Variants in MEDAG observed in about 807,000 individuals in gnomAD.
MEDAG encodes mesenteric estrogen dependent adipogenesis, also known as mesenteric estrogen-dependent adipogenesis protein.
In MEDAG, 25 loss-of-function variants were observed where a neutral mutation model predicts 29.9. That is an observed-to-expected ratio of 0.84 (90% CI 0.61 to 1.17). MEDAG has a LOEUF of 1.17. MEDAG is among the 50% of genes most tolerant of loss of function. The probability of loss-of-function intolerance (pLI) is 0.00; values close to 1 mark genes in which losing one functional copy is unlikely to be tolerated. For synonymous variants in MEDAG, 158 were observed against 148.2 expected (o/e 1.07, Z -0.48); for missense variants, 398 against 372.9 (o/e 1.07, Z -0.56).
chr13:30,909,640 A>C (rs78907474), intron 1 of MEDAG, among the ~76,000 whole-genome samples: 1 of 152,210 alleles, frequency 6.6e-6, no homozygotes, highest in Non-Finnish European at 1.5e-5. Flanking sequence ...GACCCAGGTT[A>C]AGAATCCTTG....
At chr13:30,910,768 G>A (rs926112515) in intron 1 of MEDAG, among the ~76,000 whole-genome samples, 3 of 152,202 alleles carry the variant, frequency 2.0e-5, no homozygotes, top group Non-Finnish European at 4.4e-5. Flanking sequence ...GAGGTGAAGC[G>A]GCACTCATAG....
intron 1 of MEDAG, chr13:30,916,800 A>G (rs536922096): frequency 1.3e-5 from 2 of 152,424 alleles, no homozygotes; most frequent in African/African-American, 4.8e-5. Flanking sequence ...ATGAAAACCA[A>G]AAAGGCTAAA....
intron 4 of MEDAG, among the ~76,000 whole-genome samples, chr13:30,923,977 C>A (rs1326846759): frequency 6.6e-6 from 1 of 151,982 alleles, no homozygotes; most frequent in East Asian, 1.9e-4. Flanking sequence ...GAGCACGGGG[C>A]CACTAGGGTG....
At chr13:30,909,390 G>A (rs1223916341) in intron 1 of MEDAG, among the ~76,000 whole-genome samples, 1 of 152,092 alleles carries the variant, frequency 6.6e-6, no homozygotes, top group Non-Finnish European at 1.5e-5. Context: ...ATGGGTTGGA[G>A]CCTAGAGTGG....
rs376704433 is a variant in MEDAG at position 30,920,636 on chromosome 13, A to G, written c.389-378A>G. On this transcript the variant is annotated intron_variant, in intron 2 of 4. Coordinates refer to ENST00000380482, the MANE Select transcript of MEDAG (RefSeq NM_032849.4). The stretch of plus-strand genomic sequence containing the variant: ...AAAAATCCAGCACTGCAGGAACATG[A>G]AAACCAGCTATCTCGATCTTCCACT... Among the ~76,000 whole-genome samples, 72 of 152,240 alleles carry G rather than the reference A, an allele frequency of 4.7e-4. 2 individuals carry two copies. In the South Asian group the frequency reaches 0.014, roughly 30 times the overall value.
In MEDAG at chr13:30,906,595, C is replaced by G; in HGVS notation, c.80C>G (p.Thr27Ser). The G allele has an allele frequency of 6.3e-7, 1 of 1,587,352 alleles. No homozygotes were observed. Among genetic ancestry groups the G allele is most frequent in the Non-Finnish European group, 8.5e-7 (1 of 1,175,542 alleles). The change falls in exon 1 of 5, where the codon ACC (threonine) becomes AGC (serine). Residue 27 changes from threonine (T) to serine (S), a missense_variant. Thr to Ser is a moderately conservative substitution (Grantham distance 58). Coordinates refer to ENST00000380482, the MANE Select transcript of MEDAG (RefSeq NM_032849.4). ...ISSGELRSLW[T>S]CDCELALLPL... ...TCTGGGGAGCTTCGCAGCCTGTGGACCTGCGACTGCGAGCTGGCCCTGCTG... is the reference window on the plus strand; with the variant it reads ...TCTGGGGAGCTTCGCAGCCTGTGGAGCTGCGACTGCGAGCTGGCCCTGCTG...
chr13:30,919,684 T>G (rs1024888307), intron 2 of MEDAG, among the ~76,000 whole-genome samples: 2 of 152,168 alleles, frequency 1.3e-5, no homozygotes, highest in African/African-American at 4.8e-5. Context: ...CGTAAACACT[T>G]GCTGTTGGTG....
chr13:30,921,051 CAAGAT>C lies in MEDAG; in HGVS notation c.431_435del (p.Ile144LysfsTer24). 6.2e-7 allele frequency: 1 copy of C among 1,614,098 alleles called. No homozygotes were observed. The highest frequency in any genetic ancestry group is 8.5e-7 in the Non-Finnish European group (1 of 1,180,014). ...CGTTTCTTGTAAACACGAGGCACCC[CAAGAT>C]AAGAAGACAGATAGAGCAAGGGATG... On this transcript the variant is annotated frameshift_variant, in exon 3 of 5. Transcript: ENST00000380482. LOFTEE classifies it high-confidence loss of function.
At chr13:30,917,016 A>T (rs1952935726) in intron 1 of MEDAG, among the ~76,000 whole-genome samples, 1 of 152,204 alleles carries the variant, frequency 6.6e-6, no homozygotes, top group Non-Finnish European at 1.5e-5. Flanking sequence ...GTTAAACAGG[A>T]TGACTCCACT....
chr13:30,918,990 A>AGTAAGG (rs768429382), intron 2 of MEDAG, among the ~76,000 whole-genome samples: 9 of 152,208 alleles, frequency 5.9e-5, no homozygotes, highest in Non-Finnish European at 1.2e-4. Flanking sequence ...CTAAAAAAAG[A>AGTAAGG]GTAAGAGCCC....
At chr13:30,915,020 C>T (rs1267110897) in intron 1 of MEDAG, among the ~76,000 whole-genome samples, 1 of 152,168 alleles carries the variant, frequency 6.6e-6, no homozygotes, top group African/African-American at 2.4e-5. Context: ...GGAAACCTGC[C>T]TCGAATGGGT....
At position 30,906,672 on chromosome 13, in the gene MEDAG, G is replaced by C. The variant is rs200311232; in HGVS notation, c.157G>C (p.Asp53His). Residue 53 changes from aspartate (D) to histidine (H), a missense_variant, in exon 1 of 5, where the codon GAC (aspartate) becomes CAC (histidine). By Grantham distance (81) the Asp-to-His change is moderately conservative. Coordinates refer to ENST00000380482, the MANE Select transcript of MEDAG (RefSeq NM_032849.4). ...GCCCGGTGCCTTCCAGCTGAGCGGC[G>C]ACCAGCTCGTGGTGGCCAGGCCCGG... ...LQPGAFQLSG[D>H]QLVVARPGEP... 279 of 1,555,798 alleles carry C rather than the reference G, an allele frequency of 1.8e-4. No individual in the cohort carries two copies. The African/African-American group carries it at 3.2e-3, about 18-fold the overall frequency.
intron 1 of MEDAG, chr13:30,916,846 T>C (rs959942061): frequency 1.3e-5 from 2 of 152,354 alleles, no homozygotes; most frequent in African/African-American, 4.8e-5. Flanking sequence ...CAACATCAGT[T>C]GTTTTCGTTT....
intron 4 of MEDAG, among the ~76,000 whole-genome samples, chr13:30,923,938 T>C (rs35093795): frequency 0.3 from 46,353 of 152,076 alleles, 7,413 homozygotes; most frequent in African/African-American, 0.4. Flanking sequence ...GCTTGTCACG[T>C]GGTCCAAACC....
rs1305429317 is a variant in MEDAG at position 30,917,484 on chromosome 13, T to C, written c.360T>C (p.Asn120=). 2.5e-6 allele frequency: 4 copies of C among 1,606,464 alleles called. No individual in the cohort carries two copies. Among genetic ancestry groups the C allele is most frequent in the Non-Finnish European group, 3.4e-6 (4 of 1,173,100 alleles). The change falls in exon 2 of 5, where the codon AAT becomes AAC. Residue 120 remains asparagine, a synonymous_variant. Coordinates refer to ENST00000380482, the MANE Select transcript of MEDAG (RefSeq NM_032849.4). ...GCAAACCAATGTTGTTCTTTATTAATGTACAGACCAAAAAAGACACCTCAA... is the reference window on the plus strand; with the variant it reads ...GCAAACCAATGTTGTTCTTTATTAACGTACAGACCAAAAAAGACACCTCAA... The part of the protein sequence containing the change: ...ILSKPMLFFI[N]VQTKKDTSKE...
intron 1 of MEDAG, chr13:30,908,777 T>G (rs962319615): frequency 6.7e-6 from 1 of 149,350 alleles, no homozygotes; most frequent in Non-Finnish European, 1.5e-5. Context: ...TCTGGCCAGT[T>G]TTATTAAAGA....
At chr13:30,914,838 A>C (rs989370539) in intron 1 of MEDAG, among the ~76,000 whole-genome samples, 1 of 152,250 alleles carries the variant, frequency 6.6e-6, no homozygotes, top group African/African-American at 2.4e-5. Flanking sequence ...CAGAAAAGGC[A>C]TCAAAACTGC....
At chr13:30,917,619 A>G (rs778636280) in intron 2 of MEDAG, 107 bp downstream of exon 2, 3 of 659,908 alleles carry the variant, frequency 4.5e-6, no homozygotes, top group Non-Finnish European at 7.8e-6. Context: ...TGCAGGCTAT[A>G]CAGGCTTCTG....
chr13:30,923,983 G>A (rs1392416260), intron 4 of MEDAG, among the ~76,000 whole-genome samples: 1 of 151,740 alleles, frequency 6.6e-6, no homozygotes, highest in African/African-American at 2.4e-5. Context: ...GGGGCCACTA[G>A]GGTGCTAACC....
Sources: allele counts gnomAD v4.1 joint callset (sites outside exome capture counted in the v4.1 genomes callset), GRCh38; gene constraint gnomAD v4.1.1; transcripts MANE v1.5; gene names NCBI Gene and HGNC (gene_info 2026-07-23, HGNC 2026-07-21).